The following NECTIN1 variants were observed in gnomAD, a reference collection of about 807,000 sequenced individuals.
NECTIN1 encodes nectin cell adhesion molecule 1.
NECTIN1 carries 23 observed loss-of-function variants against 48.0 expected under a neutral mutation model. That is an observed-to-expected ratio of 0.48 (90% CI 0.34 to 0.68). The LOEUF is 0.68. NECTIN1 is among the 30% of genes least tolerant of loss of function. The pLI, the probability that NECTIN1 is intolerant of heterozygous loss-of-function variation, is 0.01. For missense variants in NECTIN1, 591 were observed against 709.9 expected, an observed-to-expected ratio of 0.83 and a Z score of 1.90; for synonymous variants, 270 against 288.9, an observed-to-expected ratio of 0.93 and a Z score of 0.66.
intron 1 of NECTIN1, among the ~76,000 whole-genome samples, chr11:119,687,672 G>A (rs1023956863): frequency 3.9e-5 from 6 of 152,182 alleles, no homozygotes; most frequent in African/African-American, 1.4e-4. Context: ...GAAAGCAGAG[G>A]GAGAATTCCC....
chr11:119,690,901 C>T (rs1304279877), intron 1 of NECTIN1, among the ~76,000 whole-genome samples: 9 of 152,170 alleles, frequency 5.9e-5, no homozygotes, highest in East Asian at 1.9e-4. Context: ...ACCTACCTTC[C>T]GGCTCAACTA....
intron 1 of NECTIN1, among the ~76,000 whole-genome samples, chr11:119,686,951 G>A (rs1457555669): frequency 6.6e-6 from 1 of 152,196 alleles, no homozygotes; most frequent in Non-Finnish European, 1.5e-5. Flanking sequence ...GGTGGAAAAG[G>A]CTGTGAGCAG....
intron 1 of NECTIN1, among the ~76,000 whole-genome samples, chr11:119,725,711 A>G (rs886409595): frequency 6.6e-6 from 1 of 152,230 alleles, no homozygotes; most frequent in Non-Finnish European, 1.5e-5. Flanking sequence ...AGCTGCAGAG[A>G]GAGGCTGCAG....
intron 5 of NECTIN1, among the ~76,000 whole-genome samples, chr11:119,674,139 G>A (rs1212921300): frequency 1.3e-5 from 2 of 152,198 alleles, no homozygotes; most frequent in African/African-American, 2.4e-5. Flanking sequence ...CAGGTGTGCA[G>A]TGGCTTTGTG....
intron 1 of NECTIN1, among the ~76,000 whole-genome samples, chr11:119,699,860 C>T (rs1865413600): frequency 6.6e-6 from 1 of 152,174 alleles, no homozygotes; most frequent in South Asian, 2.1e-4. Context: ...CACCAGCTCA[C>T]CCTTTCTCTC....
chr11:119,723,270 G>C (rs1057355772), intron 1 of NECTIN1, among the ~76,000 whole-genome samples: 6 of 144,416 alleles, frequency 4.2e-5, no homozygotes, highest in African/African-American at 1.5e-4. Flanking sequence ...AAAGTGACTT[G>C]ACCAAGGTCA....
At chr11:119,643,389 T>C (rs1864352620) in intron 5 of NECTIN1, among the ~76,000 whole-genome samples, 1 of 152,258 alleles carries the variant, frequency 6.6e-6, no homozygotes, top group South Asian at 2.1e-4. Context: ...TTATCCCTGA[T>C]GAGCAAGATA....
At chr11:119,644,197 C>T (rs1452586381) in intron 5 of NECTIN1, among the ~76,000 whole-genome samples, 4 of 152,226 alleles carry the variant, frequency 2.6e-5, no homozygotes, top group African/African-American at 9.6e-5. Context: ...TTTTCCTGTC[C>T]CTCAGACTGA....
At chr11:119,689,664 G>A (rs765803447) in intron 1 of NECTIN1, among the ~76,000 whole-genome samples, 3 of 152,322 alleles carry the variant, frequency 2.0e-5, no homozygotes, top group South Asian at 2.1e-4. Flanking sequence ...TAGGAGCTCC[G>A]TGCGCACTGC....
At chr11:119,669,982 C>T (rs1414343255) in intron 5 of NECTIN1, among the ~76,000 whole-genome samples, 12 of 146,692 alleles carry the variant, frequency 8.2e-5, no homozygotes, top group Non-Finnish European at 1.2e-4. Flanking sequence ...TTTTTTGAGA[C>T]GGAGTCTTGC....
At chr11:119,706,313 G>A (rs1371844268) in intron 1 of NECTIN1, among the ~76,000 whole-genome samples, 1 of 152,192 alleles carries the variant, frequency 6.6e-6, no homozygotes, top group African/African-American at 2.4e-5. Context: ...GGGGCAGAAG[G>A]TCTGTTTGGC....
chr11:119,651,495 C>A (rs371622940), intron 5 of NECTIN1, among the ~76,000 whole-genome samples: 8 of 152,278 alleles, frequency 5.3e-5, no homozygotes, highest in African/African-American at 1.9e-4. Context: ...CATGGGGAGC[C>A]TGCTCCTACC....
rs533777358 is a variant in NECTIN1, at chr11:119,640,302, T to G, written c.1004-290A>C. The G allele has an allele frequency of 2.3e-4, 107 of 472,316 alleles. 2 individuals carry two copies. In the South Asian group the frequency reaches 2.6e-3, roughly 11 times the overall value. 29.3% of individuals were successfully genotyped at this position (472,316 alleles called of 1,614,324 possible). ...GGGTATCTCCTGGACAGGCAGCAGG[T>G]GCTGAGATGGGGTCCCCACCCCGTC... On this transcript the variant is annotated intron_variant, in intron 5 of 7. Coordinates refer to the NECTIN1 transcript ENST00000341398.
chr11:119,638,661 T>C (rs1864272741), intron 7 of NECTIN1: 7 of 1,403,048 alleles, frequency 5.0e-6, no homozygotes, highest in African/African-American at 2.8e-5. Context: ...GGCTCTCTCC[T>C]TGGGGCCATC....
intron 6 of NECTIN1, chr11:119,639,557 C>T (rs1864292783): frequency 2.1e-6 from 1 of 470,266 alleles, no homozygotes; most frequent in Non-Finnish European, 3.9e-6. Context: ...TATTTAACCT[C>T]TCTGTGCCTC....
In NECTIN1 at chr11:119,650,107, CAGTG is replaced by C. The variant is rs1490462152; in HGVS notation, c.1004-10099_1004-10096del. Reference sequence around the variant, plus strand: ...GCAAGAGTGGGGGTCACAAGGTACTCAGTGGGGGAGCTTTTGAGCCAGGATGAGC... The same window carrying C: ...GCAAGAGTGGGGGTCACAAGGTACTCGGGGAGCTTTTGAGCCAGGATGAGC... On this transcript the variant is annotated intron_variant, in intron 5 of 7. Coordinates refer to the NECTIN1 transcript ENST00000341398. 2.0e-5 allele frequency among the ~76,000 whole-genome samples: 3 copies of C among 151,366 alleles called. No homozygotes were observed. In the East Asian group the frequency reaches 5.8e-4, roughly 29 times the overall value.
At chr11:119,692,109 C>A (rs1192237080) in intron 1 of NECTIN1, among the ~76,000 whole-genome samples, 1 of 236 alleles carries the variant, frequency 4.2e-3, no homozygotes, top group African/African-American at 0.036. Context: ...CTTTCCCATG[C>A]TTCCCCGCCC....
chr11:119,653,811 C>T (rs983079374), intron 5 of NECTIN1, among the ~76,000 whole-genome samples: 5 of 152,170 alleles, frequency 3.3e-5, no homozygotes, highest in African/African-American at 9.7e-5. Flanking sequence ...TCCTTACAGC[C>T]GTCGGTGGCA....
rs543354478 is a variant in NECTIN1 at position 119,684,749 on chromosome 11, G to A, written c.80-5984C>T. Among the ~76,000 whole-genome samples the A allele has an allele frequency of 4.4e-4, 67 of 152,290 alleles. No homozygotes were observed. Among genetic ancestry groups the A allele is most frequent in the South Asian group, 8.3e-4 (4 of 4,824 alleles). ...GCCAGCTCCGCCTGGGAGAGAGGCCGGTGTGGAGGAGCGTGCAATCAGGAC... is the reference window on the plus strand; with the variant it reads ...GCCAGCTCCGCCTGGGAGAGAGGCCAGTGTGGAGGAGCGTGCAATCAGGAC... On this transcript the variant is annotated intron_variant, in intron 1 of 5. Transcript: ENST00000264025. This position sits in a 1 kb window ranked among gnomAD's most constrained non-coding sequence, Gnocchi z 5.2.
Sources: allele counts gnomAD v4.1 joint callset (sites outside exome capture counted in the v4.1 genomes callset), GRCh38; gene constraint gnomAD v4.1.1; non-coding constraint Gnocchi (gnomAD v3.1); transcripts MANE v1.5; gene names NCBI Gene and HGNC (gene_info 2026-07-23, HGNC 2026-07-21).